The following SYT13 variants were observed in gnomAD, a reference collection of about 807,000 sequenced individuals.
SYT13 encodes the protein synaptotagmin-13.
SYT13 carries 21 observed loss-of-function variants against 38.6 expected under a neutral mutation model. The ratio of observed to expected loss-of-function variants is 0.54; its 90% confidence interval spans 0.39 to 0.78. The LOEUF (loss-of-function observed/expected upper bound fraction) is 0.78, where lower values mean the gene tolerates loss of function less well. Among genes scored for constraint, SYT13 ranks in the 30% least tolerant of loss-of-function variants. The pLI, the probability that SYT13 is intolerant of heterozygous loss-of-function variation, is 0.00. For synonymous variants in SYT13, 241 were observed against 237.6 expected (o/e 1.01, Z -0.13); for missense variants, 495 against 548.7 (o/e 0.90, Z 0.98).
intron 1 of SYT13, among the ~76,000 whole-genome samples, chr11:45,281,203 AAAAG>A (rs922502932): frequency 4.6e-5 from 7 of 152,048 alleles, no homozygotes; most frequent in Non-Finnish European, 1.0e-4. Flanking sequence ...CTCAAAAAAA[AAAAG>A]AAAGAAAGAA....
chr11:45,283,269 G>T (rs1855095520), intron 1 of SYT13, among the ~76,000 whole-genome samples: 1 of 152,214 alleles, frequency 6.6e-6, no homozygotes, highest in Admixed American at 6.5e-5. Context: ...CAAACCCAAA[G>T]AATTTTTTCA....
At chr11:45,280,819 C>T (rs1317774598) in intron 1 of SYT13, among the ~76,000 whole-genome samples, 1 of 152,160 alleles carries the variant, frequency 6.6e-6, no homozygotes, top group East Asian at 1.9e-4. Flanking sequence ...AGCACCATAC[C>T]AGACATTGTC....
chr11:45,251,385 C>CA (rs1854672238), intron 4 of SYT13, among the ~76,000 whole-genome samples: 1 of 13,268 alleles, frequency 7.5e-5, no homozygotes, highest in African/African-American at 2.7e-4. Context: ...GAGACTCTGT[C>CA]TAAAAAAAAA....
At chr11:45,285,243 C>T (rs1270350351) in intron 1 of SYT13, among the ~76,000 whole-genome samples, 1 of 152,192 alleles carries the variant, frequency 6.6e-6, no homozygotes, top group East Asian at 1.9e-4. Flanking sequence ...TTCCCCAGAC[C>T]CCTTCTGCTG....
intron 1 of SYT13, among the ~76,000 whole-genome samples, chr11:45,279,185 C>T (rs145903297): frequency 2.0e-4 from 30 of 152,302 alleles, no homozygotes; most frequent in Non-Finnish European, 3.5e-4. Context: ...TCCCAGCTCT[C>T]CCACTGAATA....
chr11:45,266,251 C>T (rs1177456464), intron 1 of SYT13, among the ~76,000 whole-genome samples: 1 of 152,118 alleles, frequency 6.6e-6, no homozygotes, highest in African/African-American at 2.4e-5. Flanking sequence ...ATTTCTCAAA[C>T]TTTCTTTCCA....
chr11:45,262,769 A>ACACACACACAC (rs879343529), intron 1 of SYT13, among the ~76,000 whole-genome samples: 1 of 72,974 alleles, frequency 1.4e-5, no homozygotes, highest in Non-Finnish European at 2.6e-5. Context: ...ACACACACAC[A>ACACACACACAC]AATTGAACTG....
At chr11:45,272,339 A>G (rs1271328097) in intron 1 of SYT13, among the ~76,000 whole-genome samples, 1 of 151,554 alleles carries the variant, frequency 6.6e-6, no homozygotes, top group Non-Finnish European at 1.5e-5. Context: ...AAATTAAAGT[A>G]TAACAAGAAA....
intron 1 of SYT13, among the ~76,000 whole-genome samples, chr11:45,283,597 G>A (rs941927816): frequency 6.6e-6 from 1 of 152,220 alleles, no homozygotes; most frequent in Non-Finnish European, 1.5e-5. Flanking sequence ...GTCATTGTGA[G>A]ATCTCAGCTT....
intron 1 of SYT13, among the ~76,000 whole-genome samples, chr11:45,264,396 C>A (rs1232613500): frequency 1.3e-5 from 2 of 152,192 alleles, no homozygotes; most frequent in Non-Finnish European, 2.9e-5. Context: ...AAATGACATT[C>A]CATTTTCCTT....
At chr11:45,279,133 G>A (rs774710936) in intron 1 of SYT13, among the ~76,000 whole-genome samples, 10 of 152,180 alleles carry the variant, frequency 6.6e-5, no homozygotes, top group East Asian at 1.9e-4. Flanking sequence ...CAACCTAGTC[G>A]TCAAAAGTGT....
chr11:45,256,571 T>C (rs1486698542), intron 1 of SYT13, among the ~76,000 whole-genome samples: 1 of 152,192 alleles, frequency 6.6e-6, no homozygotes, highest in East Asian at 1.9e-4. Context: ...CCCCCAAGCC[T>C]GTCCCTCCCT....
rs370466490 is a variant in SYT13, at chr11:45,252,565, G to T, written c.702C>A (p.Leu234=). ...GLVLPLAEEE[L]PTATLTLTLR... is the part of the protein sequence containing the mutation. ...AGGTCAGCGTCAGGGTGGCTGTGGG[G>T]AGCTCCTCCTCCGCCAGGGGGAGCA... is the stretch of plus-strand genomic sequence containing the variant. The change falls in exon 4 of 6, where the codon CTC becomes CTA. Residue 234 remains leucine (L), a synonymous_variant. Transcript: ENST00000020926. The surrounding 1 kb of genome is among the most constrained non-coding windows in gnomAD (Gnocchi z 4.3). The T allele has an allele frequency of 1.7e-5, 27 of 1,614,132 alleles. No homozygotes were observed. Among genetic ancestry groups the T allele is most frequent in the Non-Finnish European group, 2.2e-5 (26 of 1,180,042 alleles).
chr11:45,277,703 T>C (rs568998855), intron 1 of SYT13, among the ~76,000 whole-genome samples: 1 of 152,210 alleles, frequency 6.6e-6, no homozygotes, highest in Non-Finnish European at 1.5e-5. Context: ...CCTTCCCTTT[T>C]GCCCTGGTTA....
intron 3 of SYT13, among the ~76,000 whole-genome samples, chr11:45,253,719 C>A (rs1019778073): frequency 2.6e-5 from 4 of 152,158 alleles, no homozygotes; most frequent in African/African-American, 9.7e-5. Context: ...GTGTGTCCAG[C>A]ACAAAGCCCT....
At chr11:45,280,041 T>A (rs1855053552) in intron 1 of SYT13, among the ~76,000 whole-genome samples, 1 of 152,214 alleles carries the variant, frequency 6.6e-6, no homozygotes. Context: ...GTCTCCCCAT[T>A]TATCAAGAAA....
chr11:45,270,831 T>A (rs971161520), intron 1 of SYT13, among the ~76,000 whole-genome samples: 3 of 152,204 alleles, frequency 2.0e-5, no homozygotes, highest in Non-Finnish European at 4.4e-5. Context: ...ACAGCCGAGA[T>A]ATAAAGTGCA....
chr11:45,247,126 G>C (rs571214277), intron 4 of SYT13, among the ~76,000 whole-genome samples: 65 of 152,326 alleles, frequency 4.3e-4, no homozygotes, highest in African/African-American at 1.5e-3. Context: ...CCCCTGTGAG[G>C]CATCCAAACA....
chr11:45,265,204 T>TA (rs1353550154), intron 1 of SYT13, among the ~76,000 whole-genome samples: 1 of 152,220 alleles, frequency 6.6e-6, no homozygotes, highest in East Asian at 1.9e-4. Flanking sequence ...AGAGAAGAAT[T>TA]ACCAAAACAT....
Sources: allele counts gnomAD v4.1 joint callset (sites outside exome capture counted in the v4.1 genomes callset), GRCh38; gene constraint gnomAD v4.1.1; non-coding constraint Gnocchi (gnomAD v3.1); transcripts MANE v1.5; gene names NCBI Gene and HGNC (gene_info 2026-07-23, HGNC 2026-07-21).